The following NRP1 variants were observed in gnomAD, a reference collection of about 807,000 sequenced individuals.
NRP1 encodes the protein neuropilin-1.
A neutral mutation model predicts 106.7 loss-of-function variants in NRP1; 35 were observed. The observed-to-expected ratio is 0.33, with a 90% CI of 0.25 to 0.43. The LOEUF (loss-of-function observed/expected upper bound fraction) is 0.43. Among genes scored for constraint, NRP1 ranks in the 20% least tolerant of loss-of-function variants. The pLI, the probability that NRP1 is intolerant of heterozygous loss-of-function variation, is 1.00. For synonymous variants in NRP1, 437 were observed against 417.9 expected (o/e 1.05, Z -0.56); for missense variants, 1,024 against 1,170.4 (o/e 0.87, Z 1.83).
At chr10:33,297,414 G>A (rs1320263598) in intron 2 of NRP1, among the ~76,000 whole-genome samples, 1 of 152,226 alleles carries the variant, frequency 6.6e-6, no homozygotes, top group East Asian at 1.9e-4. Context: ...GGCTGGGAGC[G>A]GTGGCTCACG....
chr10:33,284,350 A>G (rs541305671), intron 2 of NRP1, among the ~76,000 whole-genome samples: 2 of 152,338 alleles, frequency 1.3e-5, no homozygotes, highest in South Asian at 4.1e-4. Context: ...ATTTATTAAG[A>G]GGATTGATAG....
chr10:33,316,940 T>A (rs977524102), intron 2 of NRP1, among the ~76,000 whole-genome samples: 1 of 152,204 alleles, frequency 6.6e-6, no homozygotes. Flanking sequence ...CCACTTTCAA[T>A]ACCTTGACAG....
At chr10:33,274,220 A>C (rs1002764824) in intron 2 of NRP1, among the ~76,000 whole-genome samples, 5 of 152,088 alleles carry the variant, frequency 3.3e-5, no homozygotes, top group Non-Finnish European at 5.9e-5. Flanking sequence ...TGTTTTCATG[A>C]GTGTCCCTGG....
chr10:33,224,634 G>C (rs1300568706), intron 7 of NRP1, among the ~76,000 whole-genome samples: 1 of 151,714 alleles, frequency 6.6e-6, no homozygotes, highest in Non-Finnish European at 1.5e-5. Context: ...GTGTGCCAAG[G>C]TGGTTTACTG....
chr10:33,197,106 C>T (rs535136045), intron 12 of NRP1, among the ~76,000 whole-genome samples: 2 of 152,132 alleles, frequency 1.3e-5, no homozygotes, highest in Admixed American at 6.5e-5. Flanking sequence ...AAAGTCGTTA[C>T]GCTTTTCTAT....
chr10:33,233,092 C>T (rs143368461), intron 6 of NRP1, among the ~76,000 whole-genome samples: 1 of 152,294 alleles, frequency 6.6e-6, no homozygotes, highest in Non-Finnish European at 1.5e-5. Context: ...TACTTTCACA[C>T]TGTGCTCCAC....
intron 2 of NRP1, among the ~76,000 whole-genome samples, chr10:33,277,919 T>C (rs1843829201): frequency 6.6e-6 from 1 of 152,188 alleles, no homozygotes; most frequent in Non-Finnish European, 1.5e-5. Context: ...CTCTGTGTAT[T>C]ATAAGCAGGA....
intron 4 of NRP1, among the ~76,000 whole-genome samples, chr10:33,263,176 G>A (rs1182366371): frequency 2.0e-5 from 3 of 152,122 alleles, no homozygotes; most frequent in South Asian, 2.1e-4. Flanking sequence ...GTAGCATAAC[G>A]GATGCATAGT....
intron 10 of NRP1, chr10:33,206,201 C>A (rs371785691): frequency 1.2e-5 from 6 of 518,882 alleles, no homozygotes; most frequent in Non-Finnish European, 2.3e-5. Flanking sequence ...AGATTCGCAT[C>A]CAGGGAGCAG....
intron 2 of NRP1, among the ~76,000 whole-genome samples, chr10:33,282,367 C>T (rs1001818653): frequency 6.6e-6 from 1 of 152,090 alleles, no homozygotes; most frequent in Non-Finnish European, 1.5e-5. Context: ...TCTTTGGAAA[C>T]AAGAAATGAA....
At chr10:33,281,680 T>G (rs956749505) in intron 2 of NRP1, among the ~76,000 whole-genome samples, 1 of 152,182 alleles carries the variant, frequency 6.6e-6, no homozygotes, top group Non-Finnish European at 1.5e-5. Context: ...CTGACTTCTG[T>G]GAGTCTCAGT....
At chr10:33,277,303 C>T (rs1843775715) in intron 2 of NRP1, among the ~76,000 whole-genome samples, 1 of 152,216 alleles carries the variant, frequency 6.6e-6, no homozygotes, top group South Asian at 2.1e-4. Flanking sequence ...CCTGCCAGAG[C>T]TGTCCTGGTC....
intron 6 of NRP1, among the ~76,000 whole-genome samples, chr10:33,237,483 G>GCGCA (rs758492288): frequency 2.4e-4 from 31 of 131,790 alleles, no homozygotes; most frequent in Middle Eastern, 3.5e-3. Flanking sequence ...ACACACATGC[G>GCGCA]CGCGCACACA....
chr10:33,257,517 A>G (rs1036376404), intron 4 of NRP1, among the ~76,000 whole-genome samples: 1 of 152,142 alleles, frequency 6.6e-6, no homozygotes, highest in African/African-American at 2.4e-5. Context: ...AGTGCCTGTA[A>G]TCCCAGCTAC....
chr10:33,275,189 G>A (rs1378888809), intron 2 of NRP1, among the ~76,000 whole-genome samples: 1 of 152,128 alleles, frequency 6.6e-6, no homozygotes, highest in Non-Finnish European at 1.5e-5. Context: ...TCTTAAAAGA[G>A]TCATAGCCTC....
chr10:33,228,981 ATG>A (rs1341627717), intron 6 of NRP1, among the ~76,000 whole-genome samples: 1 of 152,226 alleles, frequency 6.6e-6, no homozygotes, highest in African/African-American at 2.4e-5. Flanking sequence ...ACTTTGATGA[ATG>A]TTTTAAACTT....
Position 33,266,290 on chromosome 10 carries a change from T to C in NRP1, c.431-2417A>G, listed in dbSNP as rs1842911137. On this transcript the variant is annotated intron_variant, in intron 3 of 16. Coordinates refer to ENST00000374867, the MANE Select transcript of NRP1 (RefSeq NM_003873.7). ...TTTTCTTGTGTATTTCGACAAAACA[T>C]GGGGACATTCCATGGGGCGATGGAC... Among the ~76,000 whole-genome samples the C allele has an allele frequency of 1.3e-5, 2 of 152,162 alleles. 1 individual carries two copies. The highest frequency in any genetic ancestry group is 4.8e-5 in the African/African-American group (2 of 41,440).
intron 6 of NRP1, among the ~76,000 whole-genome samples, chr10:33,240,397 C>T (rs2133069673): frequency 6.6e-6 from 1 of 152,322 alleles, no homozygotes; most frequent in East Asian, 1.9e-4. Context: ...CACTTTTACT[C>T]AAACAGCATC....
chr10:33,295,599 CT>C (rs371495348), intron 2 of NRP1, among the ~76,000 whole-genome samples: 25 of 152,134 alleles, frequency 1.6e-4, no homozygotes, highest in African/African-American at 6.0e-4. Context: ...GTCCCAGCTA[CT>C]TGGGAGGCTG....
Sources: gnomAD v4.1 joint callset for allele counts (sites outside exome capture counted in the v4.1 genomes callset) on GRCh38, gnomAD v4.1.1 for gene constraint, MANE v1.5 for transcripts, NCBI Gene and HGNC (gene_info 2026-07-23, HGNC 2026-07-21) for gene names.